Variants in ZFAND3 observed in about 807,000 individuals in gnomAD.
The protein encoded by ZFAND3 is zinc finger AN1-type containing 3.
A neutral mutation model predicts 29.6 loss-of-function variants in ZFAND3; 10 were observed. That is an observed-to-expected ratio of 0.34 (90% CI 0.21 to 0.57). ZFAND3 has a LOEUF of 0.57. Among genes scored for constraint, ZFAND3 ranks in the 20% least tolerant of loss-of-function variants. The pLI, the probability that ZFAND3 is intolerant of heterozygous loss-of-function variation, is 0.86. For synonymous variants in ZFAND3, 128 were observed against 112.6 expected (o/e 1.14, Z -0.87); for missense variants, 230 against 304.5 (o/e 0.76, Z 1.82).
At position 38,071,065 on chromosome 6, in the gene ZFAND3, T is replaced by TTATATA. The variant is rs138964435; in HGVS notation, c.295+9302_295+9307dup. On this transcript the variant is annotated intron_variant, in intron 3 of 5. Transcript: ENST00000287218. ...TTCTTACTGATTTGTAGGAATTCTTTTATATATATATATATATGTAACAAA... is the reference window on the plus strand; with the variant it reads ...TTCTTACTGATTTGTAGGAATTCTTTTATATATATATATATATATATATGTAACAAA... Among the ~76,000 whole-genome samples the TTATATA allele has an allele frequency of 6.2e-4, 93 of 148,814 alleles. 1 individual carries two copies. The East Asian group carries it at 8.0e-3, about 13-fold the overall frequency.
intron 2 of ZFAND3, among the ~76,000 whole-genome samples, chr6:38,028,539 T>A (rs1223862840): frequency 6.6e-6 from 1 of 152,220 alleles, no homozygotes; most frequent in Non-Finnish European, 1.5e-5. Flanking sequence ...AAGATGTCCT[T>A]GTTTTGAATT....
intron 1 of ZFAND3, among the ~76,000 whole-genome samples, chr6:37,844,850 TA>T (rs879611779): frequency 4.8e-3 from 639 of 132,570 alleles, no homozygotes; most frequent in Middle Eastern, 7.9e-3. Context: ...CCGTCTCTAC[TA>T]AAAAAAAAAA....
chr6:38,073,877 A>C lies in ZFAND3; in HGVS notation c.296-8515A>C, dbSNP rs561351395. On this transcript the variant is annotated intron_variant, in intron 3 of 5. Coordinates refer to ENST00000287218, the MANE Select transcript of ZFAND3 (RefSeq NM_021943.3). ...TTACTCTTCTTACATACGTAGCAGA[A>C]ATGGAATGTCTTGGTTTGAAATTTT... Among the ~76,000 whole-genome samples, 203 of 152,340 alleles carry C rather than the reference A, an allele frequency of 1.3e-3. 1 individual carries two copies. The highest frequency in any genetic ancestry group is 4.7e-3 in the African/African-American group (197 of 41,580).
intron 3 of ZFAND3, among the ~76,000 whole-genome samples, chr6:38,068,536 G>A (rs2127466088): frequency 6.6e-6 from 1 of 152,180 alleles, no homozygotes; most frequent in Admixed American, 6.5e-5. Flanking sequence ...GCATAGGTAG[G>A]GCAAATATTC....
intron 2 of ZFAND3, among the ~76,000 whole-genome samples, chr6:37,931,721 T>G (rs1221699525): frequency 2.6e-5 from 4 of 152,096 alleles, no homozygotes; most frequent in Non-Finnish European, 5.9e-5. Context: ...TGGCTAGATT[T>G]TTATTAAAGA....
At chr6:38,106,681 T>TTG (rs71677053) in intron 4 of ZFAND3, among the ~76,000 whole-genome samples, 4,835 of 150,880 alleles carry the variant, frequency 0.032, 178 homozygotes, top group African/African-American at 0.087. Flanking sequence ...CGCTAGTTGT[T>TTG]TGTGTGTGTG....
intron 2 of ZFAND3, among the ~76,000 whole-genome samples, chr6:38,016,008 G>A (rs1053870383): frequency 6.6e-6 from 1 of 152,198 alleles, no homozygotes; most frequent in African/African-American, 2.4e-5. Flanking sequence ...ATTGAGGGTA[G>A]TATGTTTATA....
intron 1 of ZFAND3, among the ~76,000 whole-genome samples, chr6:37,891,424 C>T (rs538458667): frequency 2.1e-5 from 3 of 143,820 alleles, no homozygotes; most frequent in Non-Finnish European, 4.5e-5. Flanking sequence ...AGTCCCCCCC[C>T]CCGCCTTTAA....
intron 1 of ZFAND3, among the ~76,000 whole-genome samples, chr6:37,854,144 T>C (rs2127380561): frequency 6.6e-6 from 1 of 151,646 alleles, no homozygotes; most frequent in South Asian, 2.1e-4. Context: ...AGAGATGGGG[T>C]TTTTCCATGT....
chr6:38,000,123 T>A (rs962763394), intron 2 of ZFAND3, among the ~76,000 whole-genome samples: 5 of 152,138 alleles, frequency 3.3e-5, no homozygotes, highest in African/African-American at 4.8e-5. Context: ...AAACAATTTT[T>A]AAAAAAATAA....
At chr6:37,866,019 G>T (rs570628663) in intron 1 of ZFAND3, among the ~76,000 whole-genome samples, 3 of 152,224 alleles carry the variant, frequency 2.0e-5, no homozygotes, top group East Asian at 3.9e-4. Flanking sequence ...AGAGATGGAG[G>T]TCTCACTATA....
intron 4 of ZFAND3, among the ~76,000 whole-genome samples, chr6:38,105,211 G>A (rs1562001162): frequency 1.3e-5 from 2 of 152,122 alleles, no homozygotes; most frequent in Non-Finnish European, 2.9e-5. Context: ...AATCTCTTTT[G>A]TCATATCCAC....
chr6:38,026,828 G>A (rs550498235), intron 2 of ZFAND3, among the ~76,000 whole-genome samples: 1 of 151,518 alleles, frequency 6.6e-6, no homozygotes, highest in East Asian at 1.9e-4. Context: ...TTAATACTAG[G>A]TATCTCCCTC....
chr6:38,145,256 G>A (rs1413530905), intron 5 of ZFAND3, among the ~76,000 whole-genome samples: 1 of 152,250 alleles, frequency 6.6e-6, no homozygotes, highest in Non-Finnish European at 1.5e-5. Flanking sequence ...TAGCCTGCCA[G>A]CATTGTCGAG....
chr6:37,949,589 C>A (rs1199927163), intron 2 of ZFAND3, among the ~76,000 whole-genome samples: 1 of 152,336 alleles, frequency 6.6e-6, no homozygotes, highest in African/African-American at 2.4e-5. Flanking sequence ...TCCGGAACTT[C>A]TGACACACAC....
At chr6:38,013,417 A>G (rs549303533) in intron 2 of ZFAND3, among the ~76,000 whole-genome samples, 1 of 152,146 alleles carries the variant, frequency 6.6e-6, no homozygotes, top group East Asian at 1.9e-4. Context: ...GTTCTTATTC[A>G]TGTTGACATA....
At chr6:37,896,562 C>CTTTCTTTTCT (rs1554153807) in intron 1 of ZFAND3, among the ~76,000 whole-genome samples, 2 of 135,340 alleles carry the variant, frequency 1.5e-5, no homozygotes, top group African/African-American at 5.7e-5. Flanking sequence ...TTCTTTCTTT[C>CTTTCTTTTCT]TTTCTTTCTC....
chr6:37,875,235 A>G (rs1241207822), intron 1 of ZFAND3, among the ~76,000 whole-genome samples: 1 of 152,108 alleles, frequency 6.6e-6, no homozygotes, highest in Non-Finnish European at 1.5e-5. Context: ...CCAATTGGAG[A>G]TATTTTTGGG....
chr6:37,896,554 C>CTTTCTTTCTTTG (rs1554153844), intron 1 of ZFAND3, among the ~76,000 whole-genome samples: 1 of 137,698 alleles, frequency 7.3e-6, no homozygotes, highest in African/African-American at 2.8e-5. Context: ...TTCTTTCTTT[C>CTTTCTTTCTTTG]TTTCTTTCTT....
Sources: allele counts gnomAD v4.1 joint callset (sites outside exome capture counted in the v4.1 genomes callset), GRCh38; gene constraint gnomAD v4.1.1; transcripts MANE v1.5; gene names NCBI Gene and HGNC (gene_info 2026-07-23, HGNC 2026-07-21).